Variants in SMOC2 observed in about 807,000 individuals in gnomAD.
SMOC2 encodes the protein SPARC-related modular calcium-binding protein 2.
SMOC2 carries 39 observed loss-of-function variants against 61.4 expected under a neutral mutation model. The observed-to-expected ratio is 0.64, with a 90% confidence interval of 0.49 to 0.83. SMOC2 has a LOEUF of 0.83. Among genes scored for constraint, SMOC2 ranks in the 40% least tolerant of loss-of-function variants. The pLI, the probability that SMOC2 is intolerant of heterozygous loss-of-function variation, is 0.00. For missense variants in SMOC2, 556 were observed against 592.9 expected, an observed-to-expected ratio of 0.94 and a Z score of 0.65; for synonymous variants, 247 against 239.9, an observed-to-expected ratio of 1.03 and a Z score of -0.27.
intron 12 of SMOC2, chr6:168,664,410 T>A: frequency 3.6e-6 from 1 of 276,146 alleles, no homozygotes; most frequent in Non-Finnish European, 7.0e-6. Context: ...TTTTTTTTTT[T>A]TTTTTTAAGA....
chr6:168,541,422 G>T (rs969597786), intron 4 of SMOC2, among the ~76,000 whole-genome samples: 1 of 152,290 alleles, frequency 6.6e-6, no homozygotes, highest in African/African-American at 2.4e-5. Context: ...CGGCAATCTT[G>T]CTTGTTATAA....
At chr6:168,628,370 T>G (rs1786473663) in intron 9 of SMOC2, among the ~76,000 whole-genome samples, 1 of 152,074 alleles carries the variant, frequency 6.6e-6, no homozygotes, top group Non-Finnish European at 1.5e-5. Flanking sequence ...TGAAAAAATA[T>G]AAGTAAACAC....
intron 7 of SMOC2, among the ~76,000 whole-genome samples, chr6:168,586,258 A>G (rs749300495): frequency 6.6e-6 from 1 of 152,044 alleles, no homozygotes; most frequent in Non-Finnish European, 1.5e-5. Context: ...TTCTTATTGA[A>G]TTGTTTTGGT....
At chr6:168,618,835 G>A (rs1161970595) in intron 9 of SMOC2, among the ~76,000 whole-genome samples, 1 of 152,162 alleles carries the variant, frequency 6.6e-6, no homozygotes, top group South Asian at 2.1e-4. Flanking sequence ...CGGGCATCCG[G>A]TCTGGGAGAG....
intron 9 of SMOC2, among the ~76,000 whole-genome samples, chr6:168,618,859 G>A (rs966566235): frequency 6.6e-6 from 1 of 152,170 alleles, no homozygotes; most frequent in Non-Finnish European, 1.5e-5. Flanking sequence ...GCGATGGCAG[G>A]AAAGCTGGAG....
At chr6:168,508,902 GA>G (rs113572913) in intron 1 of SMOC2, among the ~76,000 whole-genome samples, 7,281 of 152,236 alleles carry the variant, frequency 0.048, 564 homozygotes, top group African/African-American at 0.16. Context: ...CTGAATCAAG[GA>G]GAATACCCCT....
intron 9 of SMOC2, among the ~76,000 whole-genome samples, chr6:168,616,200 G>A (rs552900489): frequency 5.3e-5 from 8 of 152,338 alleles, no homozygotes; most frequent in Admixed American, 2.6e-4. Flanking sequence ...ACAGACACGA[G>A]TCTTCTAAAT....
At chr6:168,448,346 CTGGGGAGGAGGATGGAGA>C (rs1443126829) in intron 1 of SMOC2, among the ~76,000 whole-genome samples, 1 of 147,602 alleles carries the variant, frequency 6.8e-6, no homozygotes, top group Non-Finnish European at 1.5e-5. Flanking sequence ...GAGGATGGCG[CTGGGGAGGAGGATGGAGA>C]TGGGGAGGAG....
At chr6:168,476,963 A>G (rs1477479044) in intron 1 of SMOC2, among the ~76,000 whole-genome samples, 1 of 152,220 alleles carries the variant, frequency 6.6e-6, no homozygotes, top group Non-Finnish European at 1.5e-5. Context: ...TTCTCCATCT[A>G]AGAGCCTACA....
chr6:168,565,775 C>T (rs976244536), intron 7 of SMOC2, among the ~76,000 whole-genome samples: 1 of 152,200 alleles, frequency 6.6e-6, no homozygotes, highest in African/African-American at 2.4e-5. Context: ...TTTCTGCAAT[C>T]ATCTAAGGTC....
At chr6:168,451,508 C>T (rs1781460462) in intron 1 of SMOC2, among the ~76,000 whole-genome samples, 1 of 152,100 alleles carries the variant, frequency 6.6e-6, no homozygotes, top group Non-Finnish European at 1.5e-5. Context: ...TGACAGAGCC[C>T]TCTCTCTGTG....
At chr6:168,540,175 G>A (rs1267105496) in intron 4 of SMOC2, among the ~76,000 whole-genome samples, 1 of 152,228 alleles carries the variant, frequency 6.6e-6, no homozygotes, top group Non-Finnish European at 1.5e-5. Context: ...GTCGTTTCCT[G>A]TGGACACGTG....
chr6:168,570,401 C>A (rs372527058), intron 7 of SMOC2, among the ~76,000 whole-genome samples: 1 of 152,110 alleles, frequency 6.6e-6, no homozygotes, highest in African/African-American at 2.4e-5. Flanking sequence ...GTGGGAGGAA[C>A]GTCTTGCCCA....
At chr6:168,517,143 C>T (rs912316583) in intron 2 of SMOC2, among the ~76,000 whole-genome samples, 1 of 152,234 alleles carries the variant, frequency 6.6e-6, no homozygotes, top group Non-Finnish European at 1.5e-5. Flanking sequence ...CAGCGCTTCC[C>T]TGGAAAAGCT....
At chr6:168,613,087 G>A (rs929964595) in intron 9 of SMOC2, among the ~76,000 whole-genome samples, 7 of 152,148 alleles carry the variant, frequency 4.6e-5, no homozygotes, top group African/African-American at 1.4e-4. Context: ...TCCTCTGGGC[G>A]TTGCTTCATT....
chr6:168,446,682 T>C (rs1403319601), intron 1 of SMOC2, among the ~76,000 whole-genome samples: 1 of 152,246 alleles, frequency 6.6e-6, no homozygotes, highest in Non-Finnish European at 1.5e-5. Flanking sequence ...GAAATTGCTC[T>C]GAAAGTGAAA....
At chr6:168,455,902 G>A (rs1019949031) in intron 1 of SMOC2, among the ~76,000 whole-genome samples, 14 of 152,226 alleles carry the variant, frequency 9.2e-5, no homozygotes, top group Admixed American at 2.0e-4. Flanking sequence ...AGGGTGACCC[G>A]CTCCGTGAAT....
At chr6:168,468,347 T>G (rs1433310126) in intron 1 of SMOC2, among the ~76,000 whole-genome samples, 2 of 152,202 alleles carry the variant, frequency 1.3e-5, no homozygotes, top group East Asian at 1.9e-4. Context: ...GGCAGGACTT[T>G]CAGGTCAGTG....
At chr6:168,467,517 C>A (rs544706856) in intron 1 of SMOC2, among the ~76,000 whole-genome samples, 13 of 152,166 alleles carry the variant, frequency 8.5e-5, no homozygotes, top group African/African-American at 2.9e-4. Flanking sequence ...ATTGTGTTAG[C>A]CAAGATGGTC....
Sources: gnomAD v4.1 joint callset for allele counts (sites outside exome capture counted in the v4.1 genomes callset) on GRCh38, gnomAD v4.1.1 for gene constraint, MANE v1.5 for transcripts, NCBI Gene and HGNC (gene_info 2026-07-23, HGNC 2026-07-21) for gene names.